Variants in GPD2 observed in about 807,000 individuals in gnomAD.
The protein encoded by GPD2 is glycerol-3-phosphate dehydrogenase, mitochondrial.
GPD2 carries 54 observed loss-of-function variants against 82.4 expected under a neutral mutation model. That is an observed-to-expected ratio of 0.66 (90% CI 0.53 to 0.82). GPD2 has a LOEUF of 0.82. GPD2 is among the 40% of genes least tolerant of loss of function. The probability of loss-of-function intolerance (pLI) is 0.00; values close to 1 mark genes in which losing one functional copy is unlikely to be tolerated. For synonymous variants in GPD2, 288 were observed against 306.1 expected (o/e 0.94, Z 0.62); for missense variants, 748 against 896.2 (o/e 0.83, Z 2.11).
rs533278774 is a variant in GPD2 at position 156,473,509 on chromosome 2, T to C, written c.-8-2589T>C. Reference sequence around the variant, plus strand: ...TCCCTGAGTTGGCCATGTTGATGTGTGGTATCCTTTGTGAGGTCAACAATG... The same window carrying C: ...TCCCTGAGTTGGCCATGTTGATGTGCGGTATCCTTTGTGAGGTCAACAATG... On this transcript the variant is annotated intron_variant, in intron 1 of 16. Transcript: ENST00000438166. 5 of 152,358 alleles carry C rather than the reference T, an allele frequency of 3.3e-5. No homozygotes were observed. The East Asian group carries it at 9.6e-4, about 29-fold the overall frequency. The allele number at this position is 152,358 out of a possible 1,614,324, so 9.4% of individuals were successfully genotyped here. A position where few individuals can be genotyped will look rare whatever the true frequency, so the allele number is the denominator to read the frequency against.
chr2:156,470,337 AG>A (rs1683286950), intron 1 of GPD2, among the ~76,000 whole-genome samples: 1 of 152,002 alleles, frequency 6.6e-6, no homozygotes, highest in South Asian at 2.1e-4. Context: ...CTGAAACTAG[AG>A]GTGTGCGCCA....
chr2:156,525,898 G>A (rs2105296004), intron 6 of GPD2, among the ~76,000 whole-genome samples: 1 of 152,156 alleles, frequency 6.6e-6, no homozygotes, highest in South Asian at 2.1e-4. Flanking sequence ...TCCTTGTTCT[G>A]CCCTATTCCC....
intron 6 of GPD2, among the ~76,000 whole-genome samples, chr2:156,546,459 G>A (rs947467717): frequency 2.0e-5 from 3 of 152,216 alleles, no homozygotes; most frequent in East Asian, 1.9e-4. Flanking sequence ...AATATATCAC[G>A]TATATCTCAG....
intron 6 of GPD2, among the ~76,000 whole-genome samples, chr2:156,547,332 A>G (rs1049453208): frequency 3.9e-5 from 6 of 152,220 alleles, no homozygotes; most frequent in Admixed American, 3.3e-4. Context: ...ATGCAGAACT[A>G]GACATTTGAA....
chr2:156,530,507 C>T (rs1221709718), intron 6 of GPD2, among the ~76,000 whole-genome samples: 4 of 150,220 alleles, frequency 2.7e-5, no homozygotes, highest in Non-Finnish European at 4.4e-5. Flanking sequence ...CTGTCTTGTG[C>T]CAGTTTTCAA....
At chr2:156,425,097 T>G in the GPD2 span, among the ~76,000 whole-genome samples, 58 of 149,564 alleles carry the variant, frequency 3.9e-4, no homozygotes, top group African/African-American at 1.2e-3. Context: ...TTATTTTTTT[T>G]TTTGTTTTTG....
chr2:156,569,566 C>T (rs1687533167), intron 11 of GPD2, 28 bp downstream of exon 11: 1 of 1,548,246 alleles, frequency 6.5e-7, no homozygotes, highest in Non-Finnish European at 8.9e-7. Context: ...CATCATCTTA[C>T]TCTTTACCTA....
chr2:156,519,769 T>TG (rs1373749839), intron 6 of GPD2, among the ~76,000 whole-genome samples: 3 of 152,094 alleles, frequency 2.0e-5, no homozygotes, highest in African/African-American at 4.8e-5. Flanking sequence ...CCCTTGTGGG[T>TG]GGGGGAGCAC....
chr2:156,576,175 C>A (rs949942071), intron 13 of GPD2, among the ~76,000 whole-genome samples: 6 of 152,172 alleles, frequency 3.9e-5, no homozygotes, highest in African/African-American at 1.4e-4. Context: ...AACAGTGGAC[C>A]ATGGCTGCCC....
chr2:156,408,496 T>C, the GPD2 span, among the ~76,000 whole-genome samples: 1 of 151,890 alleles, frequency 6.6e-6, no homozygotes, highest in Non-Finnish European at 1.5e-5. Context: ...GAGACCGACC[T>C]GGATGCATGG....
chr2:156,513,877 A>G (rs917215958), intron 6 of GPD2, among the ~76,000 whole-genome samples: 3 of 152,180 alleles, frequency 2.0e-5, no homozygotes, highest in African/African-American at 7.2e-5. Flanking sequence ...AGGATATGTT[A>G]GGTTTTCTAG....
the GPD2 span, among the ~76,000 whole-genome samples, chr2:156,416,208 G>T: frequency 6.6e-6 from 1 of 151,754 alleles, no homozygotes; most frequent in Admixed American, 6.6e-5. Flanking sequence ...CAGTCTCATT[G>T]GTTGACAGGC....
chr2:156,418,533 T>A, the GPD2 span, among the ~76,000 whole-genome samples: 1 of 152,146 alleles, frequency 6.6e-6, no homozygotes, highest in African/African-American at 2.4e-5. Context: ...CCAAGGGACT[T>A]CTACCCATTC....
chr2:156,528,349 T>C (rs1685690237), intron 6 of GPD2, among the ~76,000 whole-genome samples: 1 of 151,964 alleles, frequency 6.6e-6, no homozygotes. Flanking sequence ...ATTTTCATTA[T>C]CCTTAAGTAT....
chr2:156,543,784 C>T (rs191706900), intron 6 of GPD2, among the ~76,000 whole-genome samples: 7 of 152,200 alleles, frequency 4.6e-5, no homozygotes, highest in South Asian at 2.1e-4. Flanking sequence ...AAATTTAGGA[C>T]GAATGTGAAG....
At chr2:156,480,652 G>A (rs535551716) in intron 2 of GPD2, among the ~76,000 whole-genome samples, 93 of 151,716 alleles carry the variant, frequency 6.1e-4, no homozygotes, top group Middle Eastern at 3.4e-3. Flanking sequence ...TTTGTGAGCC[G>A]AGGTAAAACT....
intron 2 of GPD2, among the ~76,000 whole-genome samples, chr2:156,494,661 C>T (rs1040460809): frequency 6.6e-6 from 1 of 152,186 alleles, no homozygotes; most frequent in African/African-American, 2.4e-5. Context: ...TCCTCTTGCA[C>T]ATGCTTTGGC....
At chr2:156,558,353 C>T (rs1457519972) in intron 9 of GPD2, among the ~76,000 whole-genome samples, 2 of 152,108 alleles carry the variant, frequency 1.3e-5, no homozygotes, top group Non-Finnish European at 2.9e-5. Context: ...CAGGCAGGTC[C>T]ATCAGCCACT....
At chr2:156,415,684 C>T in the GPD2 span, among the ~76,000 whole-genome samples, 2 of 151,758 alleles carry the variant, frequency 1.3e-5, no homozygotes, top group Non-Finnish European at 2.9e-5. Context: ...GGAAAAACCC[C>T]GTCTCTAATA....
Sources: gnomAD v4.1 joint callset for allele counts (sites outside exome capture counted in the v4.1 genomes callset) on GRCh38, gnomAD v4.1.1 for gene constraint, MANE v1.5 for transcripts, NCBI Gene and HGNC (gene_info 2026-07-23, HGNC 2026-07-21) for gene names.